IFT140: variants seen among roughly 807,000 people sequenced by gnomAD.
IFT140 encodes the protein intraflagellar transport protein 140 homolog.
IFT140 carries 133 observed loss-of-function variants against 164.6 expected under a neutral mutation model. The ratio of observed to expected loss-of-function variants is 0.81; its 90% CI spans 0.70 to 0.93. The LOEUF (loss-of-function observed/expected upper bound fraction) is 0.93. Among genes scored for constraint, IFT140 ranks in the 40% least tolerant of loss-of-function variants. The pLI, the probability that IFT140 is intolerant of heterozygous loss-of-function variation, is 0.00. For synonymous variants in IFT140, 860 were observed against 817.3 expected (o/e 1.05, Z -0.89); for missense variants, 2,045 against 1,972.3 (o/e 1.04, Z -0.70).
intron 1 of IFT140, among the ~76,000 whole-genome samples, chr16:1,611,426 G>C (rs985822701): frequency 1.3e-5 from 2 of 151,654 alleles, no homozygotes; most frequent in Non-Finnish European, 2.9e-5. Flanking sequence ...TGAGCCCCGG[G>C]AGGCGGAGAC....
intron 15 of IFT140, among the ~76,000 whole-genome samples, chr16:1,567,565 GGCA>G (rs1482774381): frequency 6.6e-6 from 1 of 152,258 alleles, no homozygotes; most frequent in South Asian, 2.1e-4. Flanking sequence ...CTCATCCACA[GGCA>G]GTGGGCGGGG....
chr16:1,565,328 G>A (rs1253243173), intron 16 of IFT140, among the ~76,000 whole-genome samples: 3 of 152,078 alleles, frequency 2.0e-5, no homozygotes, highest in African/African-American at 4.8e-5. Flanking sequence ...GCCTGCACTC[G>A]GTGAGCTGTG....
intron 13 of IFT140, among the ~76,000 whole-genome samples, chr16:1,571,851 G>A (rs1235282652): frequency 6.6e-6 from 1 of 152,180 alleles, no homozygotes; most frequent in African/African-American, 2.4e-5. Flanking sequence ...AATCTCAGCT[G>A]AGTAAGTGCC....
intron 30 of IFT140, among the ~76,000 whole-genome samples, chr16:1,515,257 G>C (rs1004937539): frequency 6.6e-6 from 1 of 152,118 alleles, no homozygotes; most frequent in Non-Finnish European, 1.5e-5. Flanking sequence ...ACAAATTCAA[G>C]AAGAAAGTCA....
intron 21 of IFT140, among the ~76,000 whole-genome samples, chr16:1,525,544 C>A (rs7188704): frequency 6.6e-6 from 1 of 152,222 alleles, no homozygotes; most frequent in South Asian, 2.1e-4. Context: ...CCCATCCACA[C>A]CCCGGGAACG....
chr16:1,600,971 A>T (rs891249701), intron 4 of IFT140, among the ~76,000 whole-genome samples: 8 of 151,886 alleles, frequency 5.3e-5, no homozygotes, highest in East Asian at 1.9e-4. Context: ...GTTCTTGATT[A>T]AAAAAAACTA....
chr16:1,611,226 G>A (rs1377105407), intron 1 of IFT140, among the ~76,000 whole-genome samples: 1 of 152,224 alleles, frequency 6.6e-6, no homozygotes, highest in Non-Finnish European at 1.5e-5. Flanking sequence ...AGCAGCTGGC[G>A]GCCGGACGCG....
At chr16:1,518,395 C>G in intron 29 of IFT140, 38 bp from the exon 30 acceptor site, 1 of 1,593,492 alleles carries the variant, frequency 6.3e-7, no homozygotes, top group African/African-American at 1.3e-5. Context: ...CCCCGAAGCC[C>G]TGAACACCTA....
chr16:1,549,304 A>G (rs2032440541), intron 19 of IFT140, among the ~76,000 whole-genome samples: 1 of 152,248 alleles, frequency 6.6e-6, no homozygotes, highest in South Asian at 2.1e-4. Context: ...CAGACCTAGA[A>G]TTTTCCCATC....
At chr16:1,554,912 C>G (rs764530354) in intron 19 of IFT140, 2 of 1,614,234 alleles carry the variant, frequency 1.2e-6, no homozygotes, top group Non-Finnish European at 1.7e-6. Context: ...TCATCTGGAA[C>G]ATTCTCCACA....
intron 19 of IFT140, among the ~76,000 whole-genome samples, chr16:1,546,740 C>T (rs981477031): frequency 3.3e-5 from 5 of 152,282 alleles, no homozygotes; most frequent in African/African-American, 9.6e-5. Context: ...ACACAGGGCC[C>T]GGGCCTCAGG....
chr16:1,553,753 GA>G lies in IFT140; in HGVS notation c.2399+4181del. 1.7e-6 allele frequency: 2 copies of G among 1,156,786 alleles called. No individual in the cohort carries two copies. The highest frequency in any genetic ancestry group is 3.6e-5 in the South Asian group (2 of 55,082). The allele number at this position is 1,156,786 out of a possible 1,614,324, so 71.7% of individuals were successfully genotyped here. On this transcript the variant is annotated intron_variant, in intron 19 of 30. Coordinates refer to ENST00000426508, the MANE Select transcript of IFT140 (RefSeq NM_014714.4). The surrounding 1 kb of genome is among the most constrained non-coding windows in gnomAD (Gnocchi z 4.4). ...CATCCCCATGGCTGTAGGGGATGAG[GA>G]GGGGCAGGGCCATGTGGACAGCCTC...
chr16:1,526,320 C>T (rs2141182247), intron 20 of IFT140: 5 of 591,492 alleles, frequency 8.5e-6, no homozygotes, highest in Non-Finnish European at 1.5e-5. Context: ...ACAGCCCCCC[C>T]TCCCACAGCC....
chr16:1,542,092 G>A, intron 19 of IFT140: 3 of 1,585,836 alleles, frequency 1.9e-6, no homozygotes, highest in South Asian at 1.1e-5. Flanking sequence ...TACCTGGGCG[G>A]GTGTGGCCAC....
At position 1,580,762 on chromosome 16, in the gene IFT140, C is replaced by G. The variant is rs1220703906; in HGVS notation, c.1521G>C (p.Trp507Cys). The G allele has an allele frequency of 6.2e-7, 1 of 1,611,680 alleles. No individual in the cohort carries two copies. Among genetic ancestry groups the G allele is most frequent in the Admixed American group, 1.7e-5 (1 of 60,014 alleles). ...VESNRVQVRTWQGTVKQLLLF... is the reference protein window; with the variant it reads ...VESNRVQVRTCQGTVKQLLLF... ...TTGCAGTGGAGCAGCAACTTACCTG[C>G]CAGGTTCGAACTTGAACTCGGTTTG... The change falls in exon 13 of 31, where the codon TGG becomes TGC. Residue 507 changes from tryptophan to cysteine, a missense_variant. By Grantham distance (215) the Trp-to-Cys change is radical. Transcript: ENST00000426508.
intron 19 of IFT140, among the ~76,000 whole-genome samples, chr16:1,545,157 G>A (rs2032060914): frequency 6.6e-6 from 1 of 152,244 alleles, no homozygotes; most frequent in South Asian, 2.1e-4. Context: ...GCATTCCCGG[G>A]GGACAGGGCT....
At chr16:1,571,635 GTTACTGAACATTGTTCACAGA>G in intron 13 of IFT140, 101 bp from the exon 14 acceptor site, 1 of 1,253,504 alleles carries the variant, frequency 8.0e-7, no homozygotes, top group South Asian at 1.4e-5. Context: ...TTTCATGTGA[GTTACTGAACATTGTTCACAGA>G]TAACCTTGTA....
chr16:1,550,498 A>G (rs905683333), intron 19 of IFT140, among the ~76,000 whole-genome samples: 5 of 152,394 alleles, frequency 3.3e-5, no homozygotes, highest in Admixed American at 3.3e-4. Flanking sequence ...TTCAGGAAGC[A>G]GCGTGTGATG....
chr16:1,599,142 C>T (rs1245652729), intron 4 of IFT140, among the ~76,000 whole-genome samples: 4 of 80,384 alleles, frequency 5.0e-5, no homozygotes, highest in African/African-American at 2.1e-4. Flanking sequence ...TCTGCCCGGC[C>T]GCCCCGTCTG....
Sources: gnomAD v4.1 joint callset for allele counts (sites outside exome capture counted in the v4.1 genomes callset) on GRCh38, gnomAD v4.1.1 for gene constraint, Gnocchi (gnomAD v3.1) non-coding constraint, MANE v1.5 for transcripts, NCBI Gene and HGNC (gene_info 2026-07-23, HGNC 2026-07-21) for gene names.